Variants in RABGAP1L observed in about 807,000 individuals in gnomAD.
RABGAP1L encodes RAB GTPase activating protein 1 like.
RABGAP1L carries 63 observed loss-of-function variants against 137.7 expected under a neutral mutation model. The observed-to-expected ratio is 0.46, with a 90% CI of 0.37 to 0.56. The LOEUF (loss-of-function observed/expected upper bound fraction) is 0.56. RABGAP1L is among the 20% of genes least tolerant of loss of function. The probability of loss-of-function intolerance (pLI) is 0.00; values close to 1 mark genes in which losing one functional copy is unlikely to be tolerated. For synonymous variants in RABGAP1L, 431 were observed against 433.7 expected, an observed-to-expected ratio of 0.99 and a Z score of 0.08; for missense variants, 1,095 against 1,244.0, an observed-to-expected ratio of 0.88 and a Z score of 1.80.
At chr1:174,436,325 T>A (rs1042726422) in intron 13 of RABGAP1L, among the ~76,000 whole-genome samples, 4 of 152,224 alleles carry the variant, frequency 2.6e-5, no homozygotes, top group Non-Finnish European at 5.9e-5. Context: ...TGTTGTTTCC[T>A]GACTTTTTAA....
In RABGAP1L at chr1:174,501,535, G is replaced by A. The variant is rs191151430; in HGVS notation, c.1710+107390G>A. On this transcript the variant is annotated intron_variant, in intron 13 of 25. Coordinates refer to ENST00000681986, the MANE Select transcript of RABGAP1L (RefSeq NM_001366446.1). ...CTTGCTTTTCTCCTGCTATGCCTTC[G>A]TAAAATCTCTTAGTTGCATCACTGA... 5.7e-4 allele frequency among the ~76,000 whole-genome samples: 86 copies of A among 152,168 alleles called. No homozygotes were observed. The South Asian group carries it at 7.3e-3, about 13-fold the overall frequency.
At chr1:174,837,084 G>A (rs1331141879) in intron 19 of RABGAP1L, among the ~76,000 whole-genome samples, 3 of 152,116 alleles carry the variant, frequency 2.0e-5, no homozygotes, top group African/African-American at 7.2e-5. Flanking sequence ...GCGCATGCCT[G>A]TAATTCCAGT....
chr1:174,752,398 C>G, intron 18 of RABGAP1L, 44 bp downstream of exon 18: 1 of 1,391,942 alleles, frequency 7.2e-7, no homozygotes, highest in Non-Finnish European at 9.9e-7. Flanking sequence ...TCTCTTACCT[C>G]TTTGCCCTTG....
At chr1:174,373,114 T>C (rs1397178670) in intron 12 of RABGAP1L, among the ~76,000 whole-genome samples, 1 of 152,218 alleles carries the variant, frequency 6.6e-6, no homozygotes, top group Non-Finnish European at 1.5e-5. Flanking sequence ...ATCTGTTTTA[T>C]TTAGGGTTAC....
rs1028333396 is a variant in RABGAP1L, at chr1:174,370,965, C to T, written c.1466-14C>T. On this transcript the variant is annotated splice_polypyrimidine_tract_variant and intron_variant, in intron 11 of 25. Coordinates refer to ENST00000681986, the MANE Select transcript of RABGAP1L (RefSeq NM_001366446.1). ...ATAAAATAATGTTTGTTGGTTTTTG[C>T]GTTTCTTCTGCAGAGAGTGATAATG... is the stretch of plus-strand genomic sequence containing the variant. 9.3e-6 allele frequency: 13 copies of T among 1,390,988 alleles called. No individual in the cohort carries two copies. The highest frequency in any genetic ancestry group is 5.3e-5 in the South Asian group (3 of 56,606). The allele number at this position is 1,390,988 out of a possible 1,614,324, so 86.2% of individuals were successfully genotyped here.
chr1:174,447,890 GCC>G (rs11321562), intron 13 of RABGAP1L, among the ~76,000 whole-genome samples: 44 of 69,628 alleles, frequency 6.3e-4, no homozygotes, highest in East Asian at 3.5e-3. Flanking sequence ...ACCCCTTACC[GCC>G]CCCCCCCCAC....
At position 174,830,280 on chromosome 1, in the gene RABGAP1L, C is replaced by CA. The variant is rs534672814; in HGVS notation, c.2340+18331dup. 8.3e-4 allele frequency among the ~76,000 whole-genome samples: 110 copies of CA among 132,810 alleles called. 2 individuals carry two copies. Among genetic ancestry groups the CA allele is most frequent in the Middle Eastern group, 3.8e-3 (1 of 262 alleles). 87.1% of individuals were successfully genotyped at this position (132,810 alleles called of 152,430 possible). ...TGCATGGAAAATTTGTGTTTCAGTA[C>CA]AAAAAAAAAAACTAGCTTAGTTTCT... On this transcript the variant is annotated intron_variant, in intron 19 of 25. Coordinates refer to ENST00000681986, the MANE Select transcript of RABGAP1L (RefSeq NM_001366446.1).
intron 19 of RABGAP1L, among the ~76,000 whole-genome samples, chr1:174,885,922 GCAC>G (rs1383344926): frequency 2.6e-5 from 4 of 151,496 alleles, no homozygotes; most frequent in Non-Finnish European, 5.9e-5. Context: ...AGCCGAGATC[GCAC>G]CACTGCACTC....
At chr1:174,438,472 A>G (rs1653692829) in intron 13 of RABGAP1L, among the ~76,000 whole-genome samples, 2 of 151,888 alleles carry the variant, frequency 1.3e-5, no homozygotes, top group Non-Finnish European at 2.9e-5. Flanking sequence ...TAATCCCAGC[A>G]CTTTGGGAGG....
chr1:174,762,317 T>A (rs547490045), intron 18 of RABGAP1L, among the ~76,000 whole-genome samples: 1 of 152,298 alleles, frequency 6.6e-6, no homozygotes, highest in East Asian at 1.9e-4. Flanking sequence ...AATCAAGCCA[T>A]AATGAACTTC....
chr1:174,614,700 C>T (rs1389908033), intron 13 of RABGAP1L, among the ~76,000 whole-genome samples: 1 of 152,344 alleles, frequency 6.6e-6, no homozygotes, highest in Middle Eastern at 3.4e-3. Flanking sequence ...TTCTCCCCGT[C>T]ACTTTCAGGT....
chr1:174,482,749 T>G (rs1357858838), intron 13 of RABGAP1L, among the ~76,000 whole-genome samples: 2 of 152,156 alleles, frequency 1.3e-5, no homozygotes, highest in Non-Finnish European at 2.9e-5. Context: ...AGTGCCAGGA[T>G]TACAGGGGTG....
intron 19 of RABGAP1L, among the ~76,000 whole-genome samples, chr1:174,898,899 A>C (rs904298159): frequency 6.6e-6 from 1 of 152,240 alleles, no homozygotes; most frequent in Non-Finnish European, 1.5e-5. Flanking sequence ...ACAGTCTAGC[A>C]GGCAAGATTG....
chr1:174,991,390 A>G lies in RABGAP1L; in HGVS notation c.*1389A>G, dbSNP rs934008011. The G allele has an allele frequency of 6.6e-6, 1 of 152,184 alleles. No individual in the cohort carries two copies. Among genetic ancestry groups the G allele is most frequent in the Non-Finnish European group, 1.5e-5 (1 of 68,024 alleles). The allele number at this position is 152,184 out of a possible 1,614,324, so 9.4% of individuals were successfully genotyped here. A position where few individuals can be genotyped will look rare whatever the true frequency, so the allele number is the denominator to read the frequency against. Reference sequence around the variant, plus strand: ...ACATATTATTTGCAAAGAATCTTAAACTCTGTAGTGCCAGAATGATTCTCA... The same window carrying G: ...ACATATTATTTGCAAAGAATCTTAAGCTCTGTAGTGCCAGAATGATTCTCA... On this transcript the variant is annotated 3_prime_UTR_variant, in exon 26 of 26. Coordinates refer to ENST00000681986, the MANE Select transcript of RABGAP1L (RefSeq NM_001366446.1).
At chr1:174,564,003 C>G (rs1309831321) in intron 13 of RABGAP1L, among the ~76,000 whole-genome samples, 1 of 152,066 alleles carries the variant, frequency 6.6e-6, no homozygotes, top group Non-Finnish European at 1.5e-5. Context: ...GATGGTTACT[C>G]CAGCTCCTGC....
intron 14 of RABGAP1L, among the ~76,000 whole-genome samples, chr1:174,664,709 C>T (rs114710513): frequency 7.7e-5 from 10 of 129,138 alleles, no homozygotes; most frequent in Middle Eastern, 4.5e-3. Flanking sequence ...CTCTCTCTCT[C>T]TCTTTCTTTC....
chr1:174,918,399 T>C (rs1284883312), intron 19 of RABGAP1L, among the ~76,000 whole-genome samples: 3 of 152,246 alleles, frequency 2.0e-5, no homozygotes, highest in Non-Finnish European at 4.4e-5. Flanking sequence ...CAGTTATCTT[T>C]AATCTGTAGT....
rs1238733991 is a variant in RABGAP1L at position 174,672,383 on chromosome 1, C to T, written c.1825-11139C>T. Among the ~76,000 whole-genome samples, 10 of 149,760 alleles carry T rather than the reference C, an allele frequency of 6.7e-5. 1 individual carries two copies. The highest frequency in any genetic ancestry group is 6.3e-4 in the South Asian group (3 of 4,730). Reference sequence around the variant, plus strand: ...GCAACCTCTGCCTCCCGGGTTCAAGCGATTCTCCTGCCTCAGCCTCCTGAG... The same window carrying T: ...GCAACCTCTGCCTCCCGGGTTCAAGTGATTCTCCTGCCTCAGCCTCCTGAG... On this transcript the variant is annotated intron_variant, in intron 14 of 25. Transcript: ENST00000681986.
chr1:174,272,363 C>CT (rs1558088393), intron 7 of RABGAP1L, 51 bp from the exon 8 acceptor site: 4 of 1,571,430 alleles, frequency 2.5e-6, no homozygotes, highest in Admixed American at 1.9e-5. Context: ...CACTGGGCTT[C>CT]TATATATTCT....
Sources: allele counts gnomAD v4.1 joint callset (sites outside exome capture counted in the v4.1 genomes callset), GRCh38; gene constraint gnomAD v4.1.1; transcripts MANE v1.5; gene names NCBI Gene and HGNC (gene_info 2026-07-23, HGNC 2026-07-21).